XKR9: variants seen among roughly 807,000 people sequenced by gnomAD.
The protein encoded by XKR9 is XK related 9.
XKR9 carries 32 observed loss-of-function variants against 32.0 expected under a neutral mutation model. That is an observed-to-expected ratio of 1.00 (90% CI 0.76 to 1.34). The LOEUF (loss-of-function observed/expected upper bound fraction) is 1.34. Among genes scored for constraint, XKR9 ranks in the 40% most tolerant of loss-of-function variants. XKR9 has a pLI of 0.00. For synonymous variants in XKR9, 168 were observed against 143.4 expected (o/e 1.17, Z -1.22); for missense variants, 546 against 429.7 (o/e 1.27, Z -2.39).
At chr8:70,907,291 G>T in the XKR9 span, among the ~76,000 whole-genome samples, 1 of 152,024 alleles carries the variant, frequency 6.6e-6, no homozygotes, top group Admixed American at 6.6e-5. Flanking sequence ...AAGATCTTTG[G>T]TCAAAGCATT....
chr8:70,710,846 A>G (rs906581432), intron 4 of XKR9, among the ~76,000 whole-genome samples: 1 of 152,192 alleles, frequency 6.6e-6, no homozygotes, highest in Non-Finnish European at 1.5e-5. Flanking sequence ...TAAACAAACA[A>G]CCTACAGAAT....
the XKR9 span, among the ~76,000 whole-genome samples, chr8:70,900,145 T>G: frequency 3.4e-4 from 52 of 151,318 alleles, no homozygotes; most frequent in African/African-American, 1.2e-3. Flanking sequence ...CTGCTTGGGG[T>G]TCATGTTTCT....
At chr8:70,720,658 C>T (rs147664374) in intron 4 of XKR9, among the ~76,000 whole-genome samples, 1,608 of 152,192 alleles carry the variant, frequency 0.011, 27 homozygotes, top group African/African-American at 0.037. Context: ...CTGACTTGAT[C>T]GTGGTAGATA....
chr8:70,854,641 T>A, the XKR9 span, among the ~76,000 whole-genome samples: 1 of 152,146 alleles, frequency 6.6e-6, no homozygotes, highest in African/African-American at 2.4e-5. Context: ...TCTTCTAGGG[T>A]TTTTATGGTT....
the XKR9 span, among the ~76,000 whole-genome samples, chr8:71,038,659 A>G: frequency 6.7e-6 from 1 of 150,264 alleles, no homozygotes; most frequent in Admixed American, 6.6e-5. Flanking sequence ...TCACTTGGTT[A>G]TAGAGACATC....
chr8:70,732,499 CA>C (rs1171726919), intron 4 of XKR9, among the ~76,000 whole-genome samples: 1 of 152,192 alleles, frequency 6.6e-6, no homozygotes, highest in Non-Finnish European at 1.5e-5. Flanking sequence ...GCTACTGAAC[CA>C]TGGGCTGGTA....
chr8:70,871,384 C>T, the XKR9 span, among the ~76,000 whole-genome samples: 1 of 152,022 alleles, frequency 6.6e-6, no homozygotes, highest in African/African-American at 2.4e-5. Context: ...TTGTGGCAAC[C>T]CTGCATTAAG....
At chr8:70,844,350 A>G in the XKR9 span, among the ~76,000 whole-genome samples, 1 of 151,986 alleles carries the variant, frequency 6.6e-6, no homozygotes, top group African/African-American at 2.4e-5. Flanking sequence ...TGATGCCACT[A>G]CTGCCACCGC....
At chr8:70,993,840 T>C in the XKR9 span, among the ~76,000 whole-genome samples, 4 of 152,272 alleles carry the variant, frequency 2.6e-5, no homozygotes, top group African/African-American at 9.6e-5. Context: ...GAGTGTATGT[T>C]TGGGGGGTGG....
the XKR9 span, among the ~76,000 whole-genome samples, chr8:70,948,056 A>G: frequency 6.6e-6 from 1 of 152,250 alleles, no homozygotes; most frequent in Non-Finnish European, 1.5e-5. Context: ...ATAATGAGCC[A>G]GGCTGTCTCT....
At chr8:70,884,735 A>T in the XKR9 span, among the ~76,000 whole-genome samples, 1 of 152,082 alleles carries the variant, frequency 6.6e-6, no homozygotes, top group Non-Finnish European at 1.5e-5. Flanking sequence ...ATCTTGTTCC[A>T]TTCGTGTCTC....
At chr8:70,860,685 T>A in the XKR9 span, among the ~76,000 whole-genome samples, 1 of 149,960 alleles carries the variant, frequency 6.7e-6, no homozygotes, top group South Asian at 2.2e-4. Context: ...ATAACTCTGC[T>A]CTATTTTCAC....
At chr8:70,879,451 C>T in the XKR9 span, among the ~76,000 whole-genome samples, 2 of 151,816 alleles carry the variant, frequency 1.3e-5, no homozygotes, top group Non-Finnish European at 2.9e-5. Flanking sequence ...ATCAAATAGA[C>T]AAAATAAAAA....
At chr8:70,738,195 T>G (rs1031747603), downstream of XKR9, among the ~76,000 whole-genome samples, 2 of 135,674 alleles carry the variant, frequency 1.5e-5, 1 homozygote, top group Admixed American at 1.5e-4. Context: ...GGGTTAGTGT[T>G]GGGAGGGTGT....
the XKR9 span, among the ~76,000 whole-genome samples, chr8:70,852,063 CA>C: frequency 3.3e-5 from 5 of 152,246 alleles, no homozygotes; most frequent in Admixed American, 3.3e-4. Context: ...CCAGAATCTA[CA>C]AGGAACTTAA....
At chr8:70,673,375 G>A (rs989138461) in intron 1 of XKR9, among the ~76,000 whole-genome samples, 2 of 152,146 alleles carry the variant, frequency 1.3e-5, no homozygotes, top group African/African-American at 2.4e-5. Flanking sequence ...TAAAAGTAAG[G>A]CAACTTGCAT....
At chr8:70,903,237 C>G in the XKR9 span, among the ~76,000 whole-genome samples, 13 of 152,104 alleles carry the variant, frequency 8.5e-5, no homozygotes, top group Admixed American at 2.0e-4. Context: ...CTTTGTACCT[C>G]TGGTAGAATT....
the XKR9 span, among the ~76,000 whole-genome samples, chr8:70,803,810 C>T: frequency 6.6e-6 from 1 of 152,194 alleles, no homozygotes; most frequent in African/African-American, 2.4e-5. Flanking sequence ...AGGCTATATC[C>T]TTGCCAGGTC....
chr8:70,913,158 G>A, the XKR9 span, among the ~76,000 whole-genome samples: 3 of 152,188 alleles, frequency 2.0e-5, no homozygotes, highest in Non-Finnish European at 4.4e-5. Flanking sequence ...ATCCTATTGA[G>A]TGGGAATTTC....
Sources: allele counts gnomAD v4.1 joint callset (sites outside exome capture counted in the v4.1 genomes callset), GRCh38; gene constraint gnomAD v4.1.1; transcripts MANE v1.5; gene names NCBI Gene and HGNC (gene_info 2026-07-23, HGNC 2026-07-21).